KRIT1: variants seen among roughly 807,000 people sequenced by gnomAD.
KRIT1 encodes krev interaction trapped protein 1.
In KRIT1, 45 loss-of-function variants were observed where a neutral mutation model predicts 95.8. The observed-to-expected ratio is 0.47, with a 90% CI of 0.37 to 0.60. The LOEUF is 0.60. KRIT1 is among the 20% of genes least tolerant of loss of function. The pLI is 0.00. For synonymous variants in KRIT1, 282 were observed against 278.8 expected (o/e 1.01, Z -0.11); for missense variants, 788 against 877.5 (o/e 0.90, Z 1.29).
At chr7:92,208,172 C>A (rs975365307) in intron 17 of KRIT1, among the ~76,000 whole-genome samples, 4 of 151,672 alleles carry the variant, frequency 2.6e-5, no homozygotes, top group Non-Finnish European at 5.9e-5. Context: ...AAAATGAAAA[C>A]ACCATATACC....
At position 92,214,702 on chromosome 7, in the gene KRIT1, G is replaced by A. The variant is rs137861350; in HGVS notation, c.1639C>T (p.Pro547Ser). 5 of 1,607,984 alleles carry A rather than the reference G, an allele frequency of 3.1e-6. No homozygotes were observed. The highest frequency in any genetic ancestry group is 1.3e-5 in the African/African-American group (1 of 74,754). The change falls in exon 15 of 19, where the codon CCT becomes TCT. Residue 547 changes from proline to serine, a missense_variant. Pro to Ser is a moderately conservative substitution (Grantham distance 74). Coordinates refer to ENST00000394505, the MANE Select transcript of KRIT1 (RefSeq NM_194454.3). ...YNLLKGFYTA[P>S]DAKLITLASL... The stretch of plus-strand genomic sequence containing the variant: ...GCCAATGTTATCAGCTTAGCATCAG[G>A]AGCTGTATAAAAGCCCTTCAATAAA...
chr7:92,226,100 A>G (rs775929920), intron 11 of KRIT1, among the ~76,000 whole-genome samples: 1 of 152,132 alleles, frequency 6.6e-6, no homozygotes. Flanking sequence ...CCTCTTTATG[A>G]TATTCCTTTT....
chr7:92,213,866 C>A, intron 16 of KRIT1, 26 bp downstream of exon 16: 1 of 1,361,992 alleles, frequency 7.3e-7, no homozygotes, highest in South Asian at 1.2e-5. Flanking sequence ...TATAAAATGT[C>A]TTTTCATTTC....
intron 6 of KRIT1, 32 bp downstream of exon 6, chr7:92,237,635 A>G (rs775655836): frequency 1.6e-6 from 2 of 1,270,398 alleles, no homozygotes; most frequent in East Asian, 4.6e-5. Flanking sequence ...TCTAAAGTAT[A>G]TAAAGATTTG....
chr7:92,214,087 A>G (rs1040130674), intron 15 of KRIT1, 108 bp from the exon 16 acceptor site: 26 of 733,228 alleles, frequency 3.5e-5, no homozygotes, highest in Non-Finnish European at 5.4e-5. Flanking sequence ...TTAACCTGAA[A>G]AATATTTTGC....
At chr7:92,206,972 T>C (rs1319211590) in intron 17 of KRIT1, 1 of 127,234 alleles carries the variant, frequency 7.9e-6, no homozygotes. Flanking sequence ...AATCAAGAAA[T>C]AAAAAAGAAT....
chr7:92,216,257 A>G (rs932307299), intron 14 of KRIT1, among the ~76,000 whole-genome samples: 4 of 150,846 alleles, frequency 2.7e-5, no homozygotes, highest in Admixed American at 2.6e-4. Flanking sequence ...TTTTTGCAAC[A>G]TTAACTGAAA....
chr7:92,241,538 G>A (rs536862184), intron 4 of KRIT1, among the ~76,000 whole-genome samples: 51 of 152,006 alleles, frequency 3.4e-4, no homozygotes, highest in Admixed American at 7.9e-4. Flanking sequence ...GCATAAAAAA[G>A]TAACAAGTTA....
chr7:92,214,723 A>G lies in KRIT1; in HGVS notation c.1618T>C (p.Leu540=), dbSNP rs532782369. The change falls in exon 15 of 19, where the codon TTG becomes CTG. Residue 540 remains leucine (L), a synonymous_variant. Transcript: ENST00000394505. The part of the protein sequence containing the change: ...ILFDEARYNL[L]KGFYTAPDAK... ...TCAGGAGCTGTATAAAAGCCCTTCA[A>G]TAAATTATATCTGGCTTCATCAAAG... 2.4e-5 allele frequency: 39 copies of G among 1,607,756 alleles called. No individual in the cohort carries two copies. In the South Asian group the frequency reaches 3.7e-4, roughly 15 times the overall value.
intron 1 of KRIT1, 132 bp from the exon 2 acceptor site, chr7:92,245,303 C>T (rs1800670733): frequency 6.6e-6 from 1 of 152,012 alleles, no homozygotes; most frequent in South Asian, 2.1e-4. Flanking sequence ...GAGGTTTTTT[C>T]CTGCGCCACC....
At chr7:92,235,712 ATCTAAC>A (rs1563307632) in intron 7 of KRIT1, 66 bp from the exon 8 acceptor site, 3 of 1,485,990 alleles carry the variant, frequency 2.0e-6, no homozygotes, top group Middle Eastern at 3.4e-4. Flanking sequence ...ATAGATTACT[ATCTAAC>A]TCTGATATAT....
At chr7:92,199,407 C>T (rs1391344628), downstream of KRIT1, 1 of 152,188 alleles carries the variant, frequency 6.6e-6, no homozygotes, top group African/African-American at 2.4e-5. Flanking sequence ...GACTATATCT[C>T]TGAACTTATT....
chr7:92,221,730 A>G (rs1795190360), intron 14 of KRIT1, among the ~76,000 whole-genome samples, 172 bp downstream of exon 14: 1 of 152,204 alleles, frequency 6.6e-6, no homozygotes. Context: ...GTGGAAATGA[A>G]AAATCCCAAC....
Position 92,225,873 on chromosome 7 carries a change from G to C in KRIT1, c.1147-46C>G, listed in dbSNP as rs760845596. ...GGGGAAAAAAGGCATTACATATTATGGTATTCTAAGGGAAAATGTCATCCA... is the reference window on the plus strand; with the variant it reads ...GGGGAAAAAAGGCATTACATATTATCGTATTCTAAGGGAAAATGTCATCCA... On this transcript the variant is annotated intron_variant, in intron 11 of 18. Coordinates refer to ENST00000394505, the MANE Select transcript of KRIT1 (RefSeq NM_194454.3). The C allele has an allele frequency of 3.2e-6, 3 of 944,726 alleles. No homozygotes were observed. The African/African-American group carries it at 4.8e-5, about 15-fold the overall frequency. The allele number at this position is 944,726 out of a possible 1,614,324, so 58.5% of individuals were successfully genotyped here. A position where few individuals can be genotyped will look rare whatever the true frequency, so the allele number is the denominator to read the frequency against.
At position 92,200,656 on chromosome 7, in the gene KRIT1, G is replaced by A. The variant is rs767798212; in HGVS notation, c.*80C>T. 6 of 980,410 alleles carry A rather than the reference G, an allele frequency of 6.1e-6. No homozygotes were observed. Among genetic ancestry groups the A allele is most frequent in the Non-Finnish European group, 6.5e-6 (4 of 611,316 alleles). The allele number at this position is 980,410 out of a possible 1,614,324, so 60.7% of individuals were successfully genotyped here. The stretch of plus-strand genomic sequence containing the variant: ...GGTGAGCCACCATGCTCGGCCAAAA[G>A]TAATATTTTAAGAAATCTTTCACGG... On this transcript the variant is annotated 3_prime_UTR_variant, in exon 19 of 19. Coordinates refer to ENST00000394505, the MANE Select transcript of KRIT1 (RefSeq NM_194454.3).
At chr7:92,242,313 G>A (rs2131779037) in intron 3 of KRIT1, among the ~76,000 whole-genome samples, 176 bp from the exon 4 acceptor site, 1 of 152,232 alleles carries the variant, frequency 6.6e-6, no homozygotes, top group East Asian at 1.9e-4. Flanking sequence ...TAAAAGGCAA[G>A]CCAGGAATGA....
intron 10 of KRIT1, among the ~76,000 whole-genome samples, chr7:92,227,370 C>T (rs1231195636): frequency 2.0e-5 from 3 of 152,060 alleles, no homozygotes; most frequent in African/African-American, 7.2e-5. Context: ...CGAGACCAGC[C>T]TAACCAACAT....
rs774985805 is a variant in KRIT1, at chr7:92,241,067, T to G, written c.188A>C (p.Glu63Ala). 3 of 1,611,502 alleles carry G rather than the reference T, an allele frequency of 1.9e-6. No individual in the cohort carries two copies. In the East Asian group the frequency reaches 6.7e-5, roughly 36 times the overall value. Residue 63 changes from glutamate to alanine, a missense_variant, in exon 5 of 19, where the codon GAA becomes GCA. By Grantham distance (107) the Glu-to-Ala change is moderately radical. Around this residue, in one of 3 missense-constraint regions of KRIT1, gnomAD observed 289 missense variants for 277.5 expected, o/e 1.04. Coordinates refer to ENST00000394505, the MANE Select transcript of KRIT1 (RefSeq NM_194454.3). ...GTAATCCAATATGCCTTGTGTTATT[T>G]CACTGTTGCCTTGAAGTTTCGTTTC... ...LLETKLQGNSEITQGILDYVV... is the reference protein window; with the variant it reads ...LLETKLQGNSAITQGILDYVV...
chr7:92,234,961 CTT>C, intron 8 of KRIT1, 38 bp from the exon 9 acceptor site: 1 of 902,142 alleles, frequency 1.1e-6, no homozygotes, highest in South Asian at 1.3e-5. Flanking sequence ...CCATTAAGAG[CTT>C]TGTCATCTTA....
Sources: allele counts gnomAD v4.1 joint callset (sites outside exome capture counted in the v4.1 genomes callset), GRCh38; gene constraint gnomAD v4.1.1; regional missense constraint gnomAD v4.1.1; transcripts MANE v1.5; gene names NCBI Gene and HGNC (gene_info 2026-07-23, HGNC 2026-07-21).